The following NRXN3 variants were observed in gnomAD, a reference collection of about 807,000 sequenced individuals.
NRXN3 encodes the protein neurexin III.
Under a neutral mutation model 137.6 loss-of-function variants are expected in NRXN3, and 32 were observed. That is an observed-to-expected ratio of 0.23 (90% confidence interval 0.18 to 0.31). The LOEUF (loss-of-function observed/expected upper bound fraction) is 0.31, where lower values mean the gene tolerates loss of function less well. Ranked by LOEUF, NRXN3 falls within the 10% of genes least tolerant of loss-of-function variation. NRXN3 has a pLI of 1.00. For missense variants in NRXN3, 1,574 were observed against 2,062.5 expected, an observed-to-expected ratio of 0.76 and a Z score of 4.59; for synonymous variants, 798 against 784.5, an observed-to-expected ratio of 1.02 and a Z score of -0.29.
At chr14:78,612,554 A>G (rs1271877105) in intron 4 of NRXN3, among the ~76,000 whole-genome samples, 1 of 152,186 alleles carries the variant, frequency 6.6e-6, no homozygotes, top group African/African-American at 2.4e-5. Context: ...TTTTGTATGG[A>G]TAAGGCAATG....
chr14:78,771,293 C>A (rs1019769451), intron 8 of NRXN3, among the ~76,000 whole-genome samples: 1 of 152,240 alleles, frequency 6.6e-6, no homozygotes, highest in East Asian at 1.9e-4. Flanking sequence ...CTCTTCAAAA[C>A]CTCCTGACAC....
intron 15 of NRXN3, among the ~76,000 whole-genome samples, chr14:79,179,613 T>C (rs1373510878): frequency 4.6e-5 from 7 of 152,130 alleles, no homozygotes; most frequent in Non-Finnish European, 1.0e-4. Flanking sequence ...CTTAACTTGC[T>C]TAAGAATTTG....
chr14:78,188,485 G>T (rs903597393), intron 1 of NRXN3, among the ~76,000 whole-genome samples: 53 of 152,176 alleles, frequency 3.5e-4, no homozygotes, highest in African/African-American at 1.3e-3. Flanking sequence ...CAAGGCAGAA[G>T]CCTATGTGCA....
chr14:78,963,933 T>C (rs2099412793), intron 11 of NRXN3, among the ~76,000 whole-genome samples: 1 of 148,754 alleles, frequency 6.7e-6, no homozygotes, highest in Non-Finnish European at 1.5e-5. Flanking sequence ...GCCTGGCTAA[T>C]ATTTTTTTTT....
intron 15 of NRXN3, among the ~76,000 whole-genome samples, chr14:79,202,752 T>C (rs1286842163): frequency 2.6e-5 from 4 of 152,198 alleles, no homozygotes; most frequent in Non-Finnish European, 4.4e-5. Flanking sequence ...CATATATATA[T>C]ACCACAGTTT....
At chr14:79,787,331 G>A (rs1321357530) in intron 19 of NRXN3, among the ~76,000 whole-genome samples, 1 of 152,046 alleles carries the variant, frequency 6.6e-6, no homozygotes, top group East Asian at 1.9e-4. Context: ...ATTCATTGTG[G>A]AATGATCAAC....
At chr14:78,779,052 C>T (rs2098758893) in intron 8 of NRXN3, among the ~76,000 whole-genome samples, 1 of 151,880 alleles carries the variant, frequency 6.6e-6, no homozygotes, top group Admixed American at 6.6e-5. Context: ...AACATAGACC[C>T]AATTTTATAT....
At chr14:79,852,234 AACACACACACACACAC>A (rs45581833) in intron 20 of NRXN3, among the ~76,000 whole-genome samples, 48 of 128,266 alleles carry the variant, frequency 3.7e-4, no homozygotes, top group East Asian at 1.2e-3. Context: ...TTCAACTCCC[AACACACACACACACAC>A]ACACACACAC....
rs74067007 is a variant in NRXN3, at chr14:78,995,644, T to C, written c.3262+7503T>C. Among the ~76,000 whole-genome samples the C allele has an allele frequency of 5.0e-3, 767 of 152,308 alleles. 5 individuals are homozygous for C. Among genetic ancestry groups the C allele is most frequent in the African/African-American group, 0.018 (737 of 41,570 alleles). On this transcript the variant is annotated intron_variant, in intron 15 of 20. Transcript: ENST00000335750. The stretch of plus-strand genomic sequence containing the variant: ...TGGCCCTGCCGGCTACTCTTCGATA[T>C]TACTTTCAAAAAGTTAAAAACATGA...
At chr14:79,642,414 C>A (rs866517219) in intron 16 of NRXN3, among the ~76,000 whole-genome samples, 1 of 135,742 alleles carries the variant, frequency 7.4e-6, no homozygotes, top group Admixed American at 7.8e-5. Flanking sequence ...AATTCACATT[C>A]GTTGAGATTT....
At chr14:78,791,465 C>T (rs1270046961) in intron 8 of NRXN3, among the ~76,000 whole-genome samples, 1 of 152,106 alleles carries the variant, frequency 6.6e-6, no homozygotes, top group African/African-American at 2.4e-5. Context: ...AGCCTGCTAG[C>T]CCCACCTATG....
intron 15 of NRXN3, among the ~76,000 whole-genome samples, chr14:79,246,391 A>G (rs2075187111): frequency 6.6e-6 from 1 of 152,190 alleles, no homozygotes; most frequent in African/African-American, 2.4e-5. Flanking sequence ...CCCTTAGTGG[A>G]ATTGTTTGGT....
At chr14:78,615,042 C>A (rs78935687) in intron 4 of NRXN3, 4 of 456,524 alleles carry the variant, frequency 8.8e-6, no homozygotes, top group Non-Finnish European at 1.8e-5. Flanking sequence ...GGTAGGGATG[C>A]TCCTCGTATT....
At chr14:78,645,083 C>G (rs1184656709) in intron 4 of NRXN3, 37 bp from the exon 5 acceptor site, 1 of 1,499,522 alleles carries the variant, frequency 6.7e-7, no homozygotes, top group Non-Finnish European at 8.9e-7. Flanking sequence ...TCTTGCCAGA[C>G]AAGTGCTGAT....
chr14:78,542,491 G>A (rs1361798855), intron 4 of NRXN3, among the ~76,000 whole-genome samples: 2 of 152,234 alleles, frequency 1.3e-5, no homozygotes, highest in African/African-American at 2.4e-5. Context: ...GTGACCCATC[G>A]AGCCAGGCAC....
chr14:78,241,474 G>T (rs1180771179), intron 1 of NRXN3, among the ~76,000 whole-genome samples: 1 of 152,116 alleles, frequency 6.6e-6, no homozygotes, highest in African/African-American at 2.4e-5. Flanking sequence ...ACAAAAATTA[G>T]CTGTGCATGG....
At chr14:79,067,726 C>G (rs1327331593) in intron 15 of NRXN3, among the ~76,000 whole-genome samples, 2 of 151,942 alleles carry the variant, frequency 1.3e-5, no homozygotes, top group African/African-American at 4.8e-5. Flanking sequence ...GATTTGAGTC[C>G]AGTCTAATGA....
rs1405222090 is a variant in NRXN3 at position 79,188,822 on chromosome 14, C to G, written c.3262+200681C>G. Among the ~76,000 whole-genome samples, 5 of 152,236 alleles carry G rather than the reference C, an allele frequency of 3.3e-5. No individual in the cohort carries two copies. In the South Asian group the frequency reaches 8.3e-4, roughly 25 times the overall value. On this transcript the variant is annotated intron_variant, in intron 15 of 20. Coordinates refer to ENST00000335750, the MANE Select transcript of NRXN3 (RefSeq NM_001330195.2). ...CACTGGCCATCAGAGAAATGCAAAT[C>G]AAAACCACAATGAGATACCATCTCA...
chr14:78,434,538 A>G (rs2093997636), intron 4 of NRXN3, among the ~76,000 whole-genome samples: 1 of 152,168 alleles, frequency 6.6e-6, no homozygotes, highest in African/African-American at 2.4e-5. Flanking sequence ...GGGGGATGCA[A>G]TTAAACTCAT....
Sources: allele counts gnomAD v4.1 joint callset (sites outside exome capture counted in the v4.1 genomes callset), GRCh38; gene constraint gnomAD v4.1.1; transcripts MANE v1.5; gene names NCBI Gene and HGNC (gene_info 2026-07-23, HGNC 2026-07-21).